Variants in ADAM19 observed in about 807,000 individuals in gnomAD.
ADAM19 encodes disintegrin and metalloproteinase domain-containing protein 19.
A neutral mutation model predicts 114.7 loss-of-function variants in ADAM19; 65 were observed. The observed-to-expected ratio is 0.57, with a 90% confidence interval of 0.46 to 0.70. ADAM19 has a LOEUF of 0.70. Ranked by LOEUF, ADAM19 falls within the 30% of genes least tolerant of loss-of-function variation. The pLI, the probability that ADAM19 is intolerant of heterozygous loss-of-function variation, is 0.00. For missense variants in ADAM19, 1,063 were observed against 1,204.7 expected, an observed-to-expected ratio of 0.88 and a Z score of 1.74; for synonymous variants, 466 against 460.5, an observed-to-expected ratio of 1.01 and a Z score of -0.15.
intron 1 of ADAM19, among the ~76,000 whole-genome samples, chr5:157,574,358 C>G (rs1757911879): frequency 3.9e-5 from 6 of 152,206 alleles, no homozygotes; most frequent in Admixed American, 3.9e-4. Context: ...CTGCACTAAG[C>G]ACTGACACAG....
In ADAM19 at chr5:157,505,738, G is replaced by T. The variant is rs754478152; in HGVS notation, c.1061C>A (p.Thr354Asn). 6.2e-7 allele frequency: 1 copy of T among 1,614,086 alleles called. No homozygotes were observed. Among genetic ancestry groups the T allele is most frequent in the Non-Finnish European group, 8.5e-7 (1 of 1,180,012 alleles). ...CGAGCAGCAATCTGCAGAATCATGGGTCATGCCAAAGTTGTGGCCCATCTC... is the reference window on the plus strand; with the variant it reads ...CGAGCAGCAATCTGCAGAATCATGGTTCATGCCAAAGTTGTGGCCCATCTC... ...AHEMGHNFGM[T>N]HDSADCCSAS... is the part of the protein sequence containing the mutation. Residue 354 changes from threonine (T) to asparagine (N), a missense_variant, in exon 11 of 23, where the codon ACC becomes AAC. Physicochemically the swap from Thr to Asn is moderately conservative, Grantham distance 65. This residue lies in a region of ADAM19 where 615 missense variants were observed against 706.3 expected (regional missense o/e 0.87). Transcript: ENST00000257527.
intron 21 of ADAM19, among the ~76,000 whole-genome samples, chr5:157,487,828 C>T (rs946766178): frequency 9.9e-5 from 15 of 152,164 alleles, no homozygotes; most frequent in Non-Finnish European, 1.8e-4. Flanking sequence ...GTCCCATCAA[C>T]CTCAGAATTG....
chr5:157,559,995 G>A (rs1374141929), intron 3 of ADAM19, among the ~76,000 whole-genome samples: 1 of 152,096 alleles, frequency 6.6e-6, no homozygotes, highest in Non-Finnish European at 1.5e-5. Flanking sequence ...GCCGGGCGCG[G>A]TGGCTCACGC....
chr5:157,491,541 G>T, intron 18 of ADAM19, 74 bp downstream of exon 18: 1 of 1,086,364 alleles, frequency 9.2e-7, no homozygotes, highest in Non-Finnish European at 1.3e-6. Context: ...TGGATGCTCT[G>T]CAACATGCCA....
chr5:157,513,990 A>T (rs1756014733), intron 7 of ADAM19, among the ~76,000 whole-genome samples: 1 of 152,242 alleles, frequency 6.6e-6, no homozygotes, highest in East Asian at 1.9e-4. Context: ...TGTGCTTAGC[A>T]CTATGTAGGA....
At chr5:157,512,783 T>C (rs908995263) in intron 8 of ADAM19, among the ~76,000 whole-genome samples, 1 of 152,210 alleles carries the variant, frequency 6.6e-6, no homozygotes, top group Non-Finnish European at 1.5e-5. Flanking sequence ...GGAGACTTTA[T>C]AGATTAGCCC....
chr5:157,488,489 C>T lies in ADAM19; in HGVS notation c.2326G>A (p.Val776Met). ...KLQTPQGKRK[V>M]INTPEILRKP... ...CGCAGGATTTCCGGAGTGTTGATCA[C>T]CTGTACGCACAAGTCAAGGAACACC... Residue 776 changes from valine (V) to methionine (M), a missense_variant and splice_region_variant, in exon 21 of 23, where the codon GTG (valine) becomes ATG (methionine). By Grantham distance (21) the Val-to-Met change is conservative. Coordinates refer to ENST00000257527, the MANE Select transcript of ADAM19 (RefSeq NM_033274.5). 6.3e-7 allele frequency: 1 copy of T among 1,586,318 alleles called. No individual in the cohort carries two copies. The highest frequency in any genetic ancestry group is 8.6e-7 in the Non-Finnish European group (1 of 1,164,546).
At chr5:157,537,427 A>G (rs1756797381) in intron 4 of ADAM19, among the ~76,000 whole-genome samples, 1 of 152,252 alleles carries the variant, frequency 6.6e-6, no homozygotes, top group African/African-American at 2.4e-5. Context: ...ATGAATATAG[A>G]AGCAAAATAA....
chr5:157,497,171 T>C lies in ADAM19; in HGVS notation c.1399-82A>G, dbSNP rs1755392128. ...TTGCCCAAGGGCTCATAAGGATCAC[T>C]CTCATAGAACAGAATTTTCCATTAC... On this transcript the variant is annotated intron_variant, in intron 13 of 22. Transcript: ENST00000257527. 7 of 1,267,250 alleles carry C rather than the reference T, an allele frequency of 5.5e-6. No individual in the cohort carries two copies. In the East Asian group the frequency reaches 1.8e-4, roughly 33 times the overall value. The allele number at this position is 1,267,250 out of a possible 1,614,324, so 78.5% of individuals were successfully genotyped here.
Position 157,575,762 on chromosome 5 carries a change from G to T in ADAM19, c.-66C>A. The T allele has an allele frequency of 8.5e-7, 1 of 1,177,724 alleles. No homozygotes were observed. Among genetic ancestry groups the T allele is most frequent in the Non-Finnish European group, 1.1e-6 (1 of 934,536 alleles). 73.0% of individuals were successfully genotyped at this position (1,177,724 alleles called of 1,614,324 possible). A position where few individuals can be genotyped will look rare whatever the true frequency, so the allele number is the denominator to read the frequency against. On this transcript the variant is annotated 5_prime_UTR_variant, in exon 1 of 23. Transcript: ENST00000257527. Reference sequence around the variant, plus strand: ...AGCCATACCTGCCCACTGCCCGGCGGTGGAGGCGCGTCTGGAACCCCCCGG... The same window carrying T: ...AGCCATACCTGCCCACTGCCCGGCGTTGGAGGCGCGTCTGGAACCCCCCGG...
intron 5 of ADAM19, among the ~76,000 whole-genome samples, chr5:157,524,196 A>G (rs1039945463): frequency 2.0e-5 from 3 of 152,304 alleles, no homozygotes; most frequent in South Asian, 2.1e-4. Flanking sequence ...AAGCACCACC[A>G]GTTGTTTATC....
In ADAM19 at chr5:157,530,794, C is replaced by T. The variant is rs1162960064; in HGVS notation, c.407+13G>A. 8 of 1,612,936 alleles carry T rather than the reference C, an allele frequency of 5.0e-6. No homozygotes were observed. Among genetic ancestry groups the T allele is most frequent in the Non-Finnish European group, 6.8e-6 (8 of 1,179,050 alleles). ...GAGTGCCCGGTGCCACCTGCAGCCTCAGGGTCTCTTACCTAATTCCTCGGC... is the reference window on the plus strand; with the variant it reads ...GAGTGCCCGGTGCCACCTGCAGCCTTAGGGTCTCTTACCTAATTCCTCGGC... On this transcript the variant is annotated intron_variant, in intron 5 of 22. Transcript: ENST00000257527.
intron 21 of ADAM19, among the ~76,000 whole-genome samples, chr5:157,483,080 G>A (rs796561025): frequency 1.4e-4 from 21 of 152,260 alleles, no homozygotes; most frequent in Middle Eastern, 6.8e-3. Context: ...GGCTAGGGGA[G>A]GGATAGCATT....
intron 6 of ADAM19, among the ~76,000 whole-genome samples, chr5:157,519,541 T>A (rs1756211120): frequency 6.6e-6 from 1 of 152,128 alleles, no homozygotes; most frequent in Non-Finnish European, 1.5e-5. Flanking sequence ...TGCTTTAGCC[T>A]CCCAAAGTGC....
rs1034558833 is a variant in ADAM19 at position 157,479,848 on chromosome 5, T to A, written c.*1101A>T. 7.1e-6 allele frequency: 7 copies of A among 985,498 alleles called. No individual in the cohort carries two copies. In the African/African-American group the frequency reaches 1.2e-4, roughly 17 times the overall value. The allele number at this position is 985,498 out of a possible 1,614,324, so 61.0% of individuals were successfully genotyped here. A position where few individuals can be genotyped will look rare whatever the true frequency, so the allele number is the denominator to read the frequency against. On this transcript the variant is annotated 3_prime_UTR_variant, in exon 23 of 23. Coordinates refer to ENST00000257527, the MANE Select transcript of ADAM19 (RefSeq NM_033274.5). Reference sequence around the variant, plus strand: ...CCAGCCTGCTCCCTCGTGTGTACTTTGTAAATAGCTGGGCTCCCTAAGGGG... The same window carrying A: ...CCAGCCTGCTCCCTCGTGTGTACTTAGTAAATAGCTGGGCTCCCTAAGGGG...
intron 4 of ADAM19, among the ~76,000 whole-genome samples, chr5:157,531,288 G>A (rs1199791582): frequency 6.6e-6 from 1 of 152,174 alleles, no homozygotes; most frequent in African/African-American, 2.4e-5. Flanking sequence ...GCAATGAGTT[G>A]AATAGAATCC....
At chr5:157,562,816 A>C (rs761949725) in intron 3 of ADAM19, among the ~76,000 whole-genome samples, 1 of 152,152 alleles carries the variant, frequency 6.6e-6, no homozygotes, top group Non-Finnish European at 1.5e-5. Flanking sequence ...GTTTCAAAAT[A>C]GGAGGGAAGG....
At chr5:157,481,493 G>A in intron 22 of ADAM19, 1 of 1,014,008 alleles carries the variant, frequency 9.9e-7, no homozygotes, top group Non-Finnish European at 1.4e-6. Flanking sequence ...CATAGCCTCT[G>A]TACAAATGAG....
chr5:157,537,827 C>T lies in ADAM19; in HGVS notation c.330+86G>A, dbSNP rs1756806369. The T allele has an allele frequency of 3.2e-6, 4 of 1,262,634 alleles. No homozygotes were observed. The South Asian group carries it at 3.7e-5, about 12-fold the overall frequency. The allele number at this position is 1,262,634 out of a possible 1,614,324, so 78.2% of individuals were successfully genotyped here. A position where few individuals can be genotyped will look rare whatever the true frequency, so the allele number is the denominator to read the frequency against. On this transcript the variant is annotated intron_variant, in intron 4 of 22. Coordinates refer to ENST00000257527, the MANE Select transcript of ADAM19 (RefSeq NM_033274.5). ...GAAACACTCCCTTCAGAGGAGAGAC[C>T]AACTCCATCAGGCATCTCCTGAGGT... is the stretch of plus-strand genomic sequence containing the variant.
Sources: gnomAD v4.1 joint callset for allele counts (sites outside exome capture counted in the v4.1 genomes callset) on GRCh38, gnomAD v4.1.1 for gene constraint, gnomAD v4.1.1 regional missense constraint, MANE v1.5 for transcripts, NCBI Gene and HGNC (gene_info 2026-07-23, HGNC 2026-07-21) for gene names.